The following EMB variants were observed in gnomAD, a reference collection of about 807,000 sequenced individuals.
EMB encodes the protein embigin, also known as embigin homolog.
Under a neutral mutation model 41.4 loss-of-function variants are expected in EMB, and 31 were observed. That is an observed-to-expected ratio of 0.75 (90% CI 0.56 to 1.01). The LOEUF (loss-of-function observed/expected upper bound fraction) is 1.01. Among genes scored for constraint, EMB ranks in the 50% least tolerant of loss-of-function variants. The pLI is 0.00. For synonymous variants in EMB, 137 were observed against 140.4 expected, an observed-to-expected ratio of 0.98 and a Z score of 0.17; for missense variants, 379 against 388.3, an observed-to-expected ratio of 0.98 and a Z score of 0.20.
intron 1 of EMB, among the ~76,000 whole-genome samples, chr5:50,437,358 T>G (rs1745821235): frequency 6.6e-6 from 1 of 152,188 alleles, no homozygotes; most frequent in African/African-American, 2.4e-5. Context: ...TGGTCTTTGA[T>G]CATTTGATCA....
intron 1 of EMB, among the ~76,000 whole-genome samples, chr5:50,429,978 C>T (rs879853435): frequency 0.15 from 9,015 of 61,112 alleles, 413 homozygotes; most frequent in South Asian, 0.22. Context: ...TTCTCTCTCT[C>T]TCTCTCTCTC....
intron 2 of EMB, among the ~76,000 whole-genome samples, chr5:50,412,247 C>A (rs1455564650): frequency 8.1e-6 from 1 of 123,078 alleles, no homozygotes; most frequent in Non-Finnish European, 1.7e-5. Context: ...ACACCACACA[C>A]ACACACACAG....
At chr5:50,407,503 TTC>T (rs1266907778) in intron 4 of EMB, among the ~76,000 whole-genome samples, 2 of 152,002 alleles carry the variant, frequency 1.3e-5, no homozygotes, top group African/African-American at 4.8e-5. Flanking sequence ...GAAACCAAAA[TTC>T]TGTTTTCTTG....
At chr5:50,433,573 T>A (rs902807443) in intron 1 of EMB, among the ~76,000 whole-genome samples, 1 of 152,226 alleles carries the variant, frequency 6.6e-6, no homozygotes, top group African/African-American at 2.4e-5. Context: ...AGAGTTGGGA[T>A]TTTGTTCAGT....
intron 8 of EMB, 56 bp from the exon 9 acceptor site, chr5:50,399,346 T>C: frequency 6.3e-7 from 1 of 1,597,150 alleles, no homozygotes; most frequent in South Asian, 1.1e-5. Flanking sequence ...TATTTTATAG[T>C]AACTTACTAT....
chr5:50,404,560 C>T (rs753491350), intron 5 of EMB, among the ~76,000 whole-genome samples: 2 of 151,860 alleles, frequency 1.3e-5, no homozygotes, highest in African/African-American at 2.4e-5. Flanking sequence ...AGCACTGGTA[C>T]GTCTAAAACG....
intron 7 of EMB, among the ~76,000 whole-genome samples, chr5:50,401,597 A>G (rs1745163709): frequency 6.6e-6 from 1 of 151,796 alleles, no homozygotes; most frequent in Non-Finnish European, 1.5e-5. Context: ...GGAATTCGGA[A>G]CTCCCATCTT....
In EMB at chr5:50,397,382, T is replaced by G. The variant is rs1276934940; in HGVS notation, c.*1891A>C. ...CTTTGCTAGAAAAAAATAAACAGTA[T>G]TGCCAATTAAAAACTCCATTTACTA... On this transcript the variant is annotated 3_prime_UTR_variant, in exon 9 of 9. Transcript: ENST00000303221. 6.6e-6 allele frequency: 1 copy of G among 152,112 alleles called. No individual in the cohort carries two copies. The highest frequency in any genetic ancestry group is 1.5e-5 in the Non-Finnish European group (1 of 68,008). The allele number at this position is 152,112 out of a possible 1,614,324, so 9.4% of individuals were successfully genotyped here. A position where few individuals can be genotyped will look rare whatever the true frequency, so the allele number is the denominator to read the frequency against.
rs777236154 is a variant in EMB, at chr5:50,441,122, G to T, written c.30C>A (p.Ala10=). The T allele has an allele frequency of 1.3e-6, 2 of 1,510,984 alleles. No homozygotes were observed. 93.6% of individuals were successfully genotyped at this position (1,510,984 alleles called of 1,614,324 possible). The change falls in exon 1 of 9, where the codon GCC becomes GCA. Residue 10 remains alanine (A), a synonymous_variant. Coordinates refer to ENST00000303221, the MANE Select transcript of EMB (RefSeq NM_198449.3). The stretch of plus-strand genomic sequence containing the variant: ...GGAGCAGCCGGGGCGTACGCGCCCT[G>T]GCCTCCAGCAGGCCGGGGAGGGCGC... MRALPGLLE[A]RARTPRLLLL... is the part of the protein sequence containing the mutation.
chr5:50,429,528 A>T (rs1248808602), intron 1 of EMB, among the ~76,000 whole-genome samples: 1 of 152,186 alleles, frequency 6.6e-6, no homozygotes, highest in Middle Eastern at 3.2e-3. Context: ...TAACGTACCT[A>T]GCAGAACCTA....
At chr5:50,418,187 C>T (rs116294108) in intron 2 of EMB, among the ~76,000 whole-genome samples, 2,660 of 152,268 alleles carry the variant, frequency 0.017, 43 homozygotes, top group Non-Finnish European at 0.027. Flanking sequence ...CTATTGTTTA[C>T]ATCAATTACA....
intron 7 of EMB, among the ~76,000 whole-genome samples, chr5:50,400,512 A>T (rs1745144141): frequency 6.6e-6 from 1 of 150,968 alleles, no homozygotes; most frequent in Admixed American, 6.6e-5. Flanking sequence ...AATATTTTCT[A>T]AAAAAAAAGA....
chr5:50,437,314 G>C (rs897897139), intron 1 of EMB, among the ~76,000 whole-genome samples: 12 of 152,042 alleles, frequency 7.9e-5, no homozygotes, highest in African/African-American at 2.7e-4. Flanking sequence ...ATAAAAGTAG[G>C]CTTATGGTTC....
chr5:50,411,247 C>A lies in EMB; in HGVS notation c.333G>T (p.Glu111Asp). 1 of 1,612,822 alleles carries A rather than the reference C, an allele frequency of 6.2e-7. No individual in the cohort carries two copies. The highest frequency in any genetic ancestry group is 8.5e-7 in the Non-Finnish European group (1 of 1,179,276). ...CTGTTGCACTGACAAGATAATTATT[C>A]TCAAGTTGTTCACCATCTTTTTTCC... ...VTWKKDGEQLENNYLVSATGS... is the reference protein window; with the variant it reads ...VTWKKDGEQLDNNYLVSATGS... Residue 111 changes from glutamate (E) to aspartate (D), a missense_variant, in exon 3 of 9, where the codon GAG becomes GAT. By Grantham distance (45) the Glu-to-Asp change is conservative (BLOSUM62 2). Transcript: ENST00000303221.
rs749459608 is a variant in EMB, at chr5:50,411,227, G to A, written c.353C>T (p.Ala118Val). The A allele has an allele frequency of 1.2e-6, 2 of 1,612,420 alleles. No homozygotes were observed. Among genetic ancestry groups the A allele is most frequent in the Admixed American group, 1.7e-5 (1 of 59,890 alleles). Residue 118 changes from alanine (A) to valine (V), a missense_variant, in exon 3 of 9, where the codon GCA (alanine) becomes GTA (valine). Transcript: ENST00000303221. Reference protein sequence around the residue: ...EQLENNYLVSATGSTLYTQYR... With the variant: ...EQLENNYLVSVTGSTLYTQYR... Reference sequence around the variant, plus strand: ...TTGGGTATACAAGGTGCTTCCTGTTGCACTGACAAGATAATTATTCTCAAG... The same window carrying A: ...TTGGGTATACAAGGTGCTTCCTGTTACACTGACAAGATAATTATTCTCAAG...
intron 1 of EMB, among the ~76,000 whole-genome samples, chr5:50,428,969 C>A (rs1304400394): frequency 6.6e-6 from 1 of 152,102 alleles, no homozygotes; most frequent in East Asian, 1.9e-4. Context: ...GGTCTCAGAT[C>A]TCTGCAACCT....
intron 2 of EMB, among the ~76,000 whole-genome samples, chr5:50,414,528 CAAAAAAA>C (rs34645448): frequency 0.012 from 563 of 46,698 alleles, 6 homozygotes; most frequent in Admixed American, 0.093. Flanking sequence ...CTGTCTCAGG[CAAAAAAA>C]AAAAAAAAAA....
intron 2 of EMB, among the ~76,000 whole-genome samples, chr5:50,413,153 T>G (rs563601342): frequency 6.6e-6 from 1 of 152,302 alleles, no homozygotes; most frequent in African/African-American, 2.4e-5. Flanking sequence ...ATATTAAGCA[T>G]GTACCTTGTT....
rs1745906478 is a variant in EMB, at chr5:50,441,221, T to C, written c.-70A>G. Reference sequence around the variant, plus strand: ...AGCTCGCCGCCGCGGGTGTCCAGAGTCCCTGCGCACACTCGCAGGTGGCCC... The same window carrying C: ...AGCTCGCCGCCGCGGGTGTCCAGAGCCCCTGCGCACACTCGCAGGTGGCCC... On this transcript the variant is annotated 5_prime_UTR_variant, in exon 1 of 9. Coordinates refer to ENST00000303221, the MANE Select transcript of EMB (RefSeq NM_198449.3). 1.0e-6 allele frequency: 1 copy of C among 975,604 alleles called. No homozygotes were observed. Among genetic ancestry groups the C allele is most frequent in the East Asian group, 3.3e-5 (1 of 30,316 alleles). The allele number at this position is 975,604 out of a possible 1,614,324, so 60.4% of individuals were successfully genotyped here.
Sources: allele counts gnomAD v4.1 joint callset (sites outside exome capture counted in the v4.1 genomes callset), GRCh38; gene constraint gnomAD v4.1.1; transcripts MANE v1.5; gene names NCBI Gene and HGNC (gene_info 2026-07-23, HGNC 2026-07-21).